ZFHX3: variants seen among roughly 807,000 people sequenced by gnomAD.
ZFHX3 encodes zinc finger homeobox protein 3.
ZFHX3 carries 42 observed loss-of-function variants against 279.1 expected under a neutral mutation model. That is an observed-to-expected ratio of 0.15 (90% confidence interval 0.12 to 0.19). ZFHX3 has a LOEUF of 0.19. Ranked by LOEUF, ZFHX3 falls within the 10% of genes least tolerant of loss-of-function variation. The pLI is 1.00. For synonymous variants in ZFHX3, 2,293 were observed against 1,957.8 expected (o/e 1.17, Z -4.52); for missense variants, 4,981 against 4,754.0 (o/e 1.05, Z -1.40).
intron 1 of ZFHX3, among the ~76,000 whole-genome samples, chr16:73,055,890 C>T (rs1476281905): frequency 6.7e-6 from 1 of 150,280 alleles, no homozygotes; most frequent in African/African-American, 2.5e-5. Flanking sequence ...AACACCACTC[C>T]TCCAGAGACT....
chr16:73,276,184 T>C (rs1382350212), intron 4 of ZFHX3, among the ~76,000 whole-genome samples: 2 of 151,276 alleles, frequency 1.3e-5, no homozygotes, highest in African/African-American at 4.8e-5. Context: ...TTTCTTTTTT[T>C]TTTTTTTTTC....
intron 1 of ZFHX3, among the ~76,000 whole-genome samples, chr16:73,047,125 TTTG>T (rs1233814363): frequency 1.3e-5 from 2 of 152,200 alleles, no homozygotes; most frequent in African/African-American, 2.4e-5. Flanking sequence ...AATGCTTCTT[TTTG>T]TTGTTATTGT....
intron 1 of ZFHX3, among the ~76,000 whole-genome samples, chr16:73,057,946 CG>C (rs1965597126): frequency 1.4e-5 from 2 of 147,964 alleles, no homozygotes; most frequent in Non-Finnish European, 3.0e-5. Flanking sequence ...CTGCTCAGCC[CG>C]GGGCCCCGGC....
chr16:73,469,777 C>T (rs2018633478), intron 2 of ZFHX3, among the ~76,000 whole-genome samples: 1 of 152,062 alleles, frequency 6.6e-6, no homozygotes, highest in Non-Finnish European at 1.5e-5. Context: ...GACACCACTC[C>T]CAGCTAATTT....
chr16:73,246,088 C>G (rs112166812), intron 5 of ZFHX3, among the ~76,000 whole-genome samples: 2,516 of 152,176 alleles, frequency 0.017, 69 homozygotes, highest in African/African-American at 0.051. Flanking sequence ...AGGGTCCCAG[C>G]CAAGGTTTCT....
rs564027629 is a variant in ZFHX3, at chr16:72,958,264, C to T, written c.1882G>A (p.Glu628Lys). 2.7e-5 allele frequency: 43 copies of T among 1,613,934 alleles called. No homozygotes were observed. The highest frequency in any genetic ancestry group is 1.1e-4 in the African/African-American group (8 of 75,042). The change falls in exon 2 of 10, where the codon GAG becomes AAG. Residue 628 changes from glutamate to lysine, a missense_variant. Coordinates refer to ENST00000268489, the MANE Select transcript of ZFHX3 (RefSeq NM_006885.4). ...GAGGGGCACTCCCCAACCCCAAGCT[C>T]GCAGAGGGAGCCAGCGTGCTGGTGA... The part of the protein sequence containing the change: ...PHHQHAGSLC[E>K]LGVGECPSGS...
chr16:73,326,749 T>C (rs1363869977), intron 3 of ZFHX3, among the ~76,000 whole-genome samples: 1 of 152,204 alleles, frequency 6.6e-6, no homozygotes, highest in Non-Finnish European at 1.5e-5. Flanking sequence ...ATACTTCAAA[T>C]GGATGAATTT....
chr16:73,031,282 G>T (rs77351898), intron 1 of ZFHX3, among the ~76,000 whole-genome samples: 12 of 152,190 alleles, frequency 7.9e-5, no homozygotes, highest in Middle Eastern at 6.8e-3. Context: ...CTGGCGGCGG[G>T]GGGGGAAGTA....
Position 72,783,013 on chromosome 16 carries a change from A to G in ZFHX3, c.*4151T>C, listed in dbSNP as rs987437252. 3.3e-5 allele frequency: 5 copies of G among 152,528 alleles called. No individual in the cohort carries two copies. The highest frequency in any genetic ancestry group is 1.3e-4 in the Admixed American group (2 of 15,262). 9.4% of individuals were successfully genotyped at this position (152,528 alleles called of 1,614,324 possible). On this transcript the variant is annotated 3_prime_UTR_variant, in exon 10 of 10. Coordinates refer to ENST00000268489, the MANE Select transcript of ZFHX3 (RefSeq NM_006885.4). ...CTATGACAACAAAGTTTTTGTGACA[A>G]ATTTTTTTTTCAGTTTGAAAGTTCC...
intron 2 of ZFHX3, among the ~76,000 whole-genome samples, chr16:73,534,089 C>T (rs1020875740): frequency 6.6e-6 from 1 of 152,094 alleles, no homozygotes; most frequent in African/African-American, 2.4e-5. Context: ...GGTAAAAGCC[C>T]ATGTTCTTAC....
rs142996277 is a variant in ZFHX3, at chr16:72,993,027, C to T, written c.-49-32833G>A. On this transcript the variant is annotated intron_variant, in intron 1 of 9. Coordinates refer to ENST00000268489, the MANE Select transcript of ZFHX3 (RefSeq NM_006885.4). ...CGCTAGGCGCCTGTAATCCCAGCTA[C>T]TCCCAGGCTGAGGCAGGAGAATCGC... 1.1e-3 allele frequency among the ~76,000 whole-genome samples: 170 copies of T among 152,354 alleles called. 2 individuals are homozygous for T. The highest frequency in any genetic ancestry group is 3.9e-3 in the African/African-American group (164 of 41,588).
intron 7 of ZFHX3, among the ~76,000 whole-genome samples, chr16:73,122,070 A>C (rs1966505889): frequency 6.6e-6 from 1 of 152,180 alleles, no homozygotes; most frequent in African/African-American, 2.4e-5. Flanking sequence ...TAAGACTATA[A>C]GTTTCTCAGG....
chr16:73,888,259 C>T (rs901911328), intron 1 of ZFHX3, among the ~76,000 whole-genome samples: 1 of 152,192 alleles, frequency 6.6e-6, no homozygotes, highest in Non-Finnish European at 1.5e-5. Context: ...GCAGCGGTAA[C>T]GGCATAAATT....
rs183435131 is a variant in ZFHX3 at position 73,518,023 on chromosome 16, G to C, written c.-1546-61765C>G. Among the ~76,000 whole-genome samples, 7 of 152,180 alleles carry C rather than the reference G, an allele frequency of 4.6e-5. No homozygotes were observed. The East Asian group carries it at 1.4e-3, about 29-fold the overall frequency. Reference sequence around the variant, plus strand: ...ACTATTATTTCAACACATAATCAACGTAAACAAATTATTGAGATGCTAACT... The same window carrying C: ...ACTATTATTTCAACACATAATCAACCTAAACAAATTATTGAGATGCTAACT... On this transcript the variant is annotated intron_variant, in intron 2 of 17. Coordinates refer to the ZFHX3 transcript ENST00000641206.
chr16:72,852,514 T>C (rs1245464973), intron 4 of ZFHX3, among the ~76,000 whole-genome samples: 1 of 152,226 alleles, frequency 6.6e-6, no homozygotes, highest in Non-Finnish European at 1.5e-5. Flanking sequence ...TGGCTATTAC[T>C]ACTACACAGG....
intron 2 of ZFHX3, chr16:73,486,660 T>C (rs533365355): frequency 4.8e-5 from 19 of 392,110 alleles, no homozygotes; most frequent in South Asian, 3.6e-4. Context: ...AGTGCTGGGA[T>C]TAGAGGTGTG....
chr16:73,096,409 A>C (rs1966164554), intron 7 of ZFHX3, among the ~76,000 whole-genome samples: 1 of 144,416 alleles, frequency 6.9e-6, no homozygotes. Context: ...GAACTTCTTT[A>C]TTTTTTTTTT....
chr16:73,555,268 C>A (rs2020259904), intron 2 of ZFHX3, among the ~76,000 whole-genome samples: 1 of 152,010 alleles, frequency 6.6e-6, no homozygotes, highest in South Asian at 2.1e-4. Flanking sequence ...GATTCTCCTG[C>A]CTCAGCCTGC....
intron 3 of ZFHX3, among the ~76,000 whole-genome samples, chr16:73,361,351 A>G (rs981577908): frequency 2.6e-5 from 4 of 152,252 alleles, no homozygotes; most frequent in Admixed American, 2.6e-4. Flanking sequence ...GAAGCCAGCC[A>G]CCATCCTGCA....
Sources: gnomAD v4.1 joint callset for allele counts (sites outside exome capture counted in the v4.1 genomes callset) on GRCh38, gnomAD v4.1.1 for gene constraint, MANE v1.5 for transcripts, NCBI Gene and HGNC (gene_info 2026-07-23, HGNC 2026-07-21) for gene names.